Variants in MARCHF4 observed in about 807,000 individuals in gnomAD.
The protein encoded by MARCHF4 is membrane associated ring-CH-type finger 4.
A neutral mutation model predicts 43.9 loss-of-function variants in MARCHF4; 14 were observed. The ratio of observed to expected loss-of-function variants is 0.32; its 90% CI spans 0.21 to 0.50. The LOEUF (loss-of-function observed/expected upper bound fraction) is 0.50, where lower values mean the gene tolerates loss of function less well. MARCHF4 is among the 20% of genes least tolerant of loss of function. The pLI is 0.98. For synonymous variants in MARCHF4, 226 were observed against 213.3 expected (o/e 1.06, Z -0.52); for missense variants, 468 against 536.7 (o/e 0.87, Z 1.27).
intron 3 of MARCHF4, among the ~76,000 whole-genome samples, chr2:216,270,176 A>G (rs1690912278): frequency 6.6e-6 from 1 of 152,090 alleles, no homozygotes; most frequent in South Asian, 2.1e-4. Context: ...CCTGAGCTCA[A>G]GTGATCCTCC....
chr2:216,274,150 C>T (rs2105936179), intron 3 of MARCHF4, among the ~76,000 whole-genome samples: 1 of 152,306 alleles, frequency 6.6e-6, no homozygotes, highest in Non-Finnish European at 1.5e-5. Context: ...GGAAATGATG[C>T]TCAGGTGGAC....
In MARCHF4 at chr2:216,277,602, C is replaced by A. The variant is rs1021575222; in HGVS notation, c.865+70G>T. 12 of 1,455,402 alleles carry A rather than the reference C, an allele frequency of 8.2e-6. No homozygotes were observed. The African/African-American group carries it at 1.7e-4, about 20-fold the overall frequency. The allele number at this position is 1,455,402 out of a possible 1,614,324, so 90.2% of individuals were successfully genotyped here. A position where few individuals can be genotyped will look rare whatever the true frequency, so the allele number is the denominator to read the frequency against. Reference sequence around the variant, plus strand: ...GCTTCAGCCTCCCACAGTGGGGGATCCTGAGGGATCTGTCCATCCCACGAG... The same window carrying A: ...GCTTCAGCCTCCCACAGTGGGGGATACTGAGGGATCTGTCCATCCCACGAG... On this transcript the variant is annotated intron_variant, in intron 3 of 3. Coordinates refer to ENST00000273067, the MANE Select transcript of MARCHF4 (RefSeq NM_020814.3).
chr2:216,348,032 C>CTTTTTTTTTT (rs773695717), intron 1 of MARCHF4, among the ~76,000 whole-genome samples: 2 of 99,706 alleles, frequency 2.0e-5, no homozygotes, highest in African/African-American at 3.9e-5. Context: ...TTAAGGCATT[C>CTTTTTTTTTT]TTTTTTTTTT....
At chr2:216,285,055 C>G (rs1449358599) in intron 1 of MARCHF4, among the ~76,000 whole-genome samples, 1 of 152,130 alleles carries the variant, frequency 6.6e-6, no homozygotes, top group Non-Finnish European at 1.5e-5. Flanking sequence ...ACGAGAGGAG[C>G]CCCAGAAGGC....
chr2:216,355,651 T>A lies in MARCHF4; in HGVS notation c.516+14094A>T, dbSNP rs143069162. Among the ~76,000 whole-genome samples the A allele has an allele frequency of 3.1e-3, 471 of 152,348 alleles. 4 individuals carry two copies. The highest frequency in any genetic ancestry group is 9.5e-3 in the African/African-American group (395 of 41,578). ...CTTTCTGATACTCAAACTGATTTTT[T>A]ATTTTTTTGCAGGCAAATGCGTAAT... is the stretch of plus-strand genomic sequence containing the variant. On this transcript the variant is annotated intron_variant, in intron 1 of 3. Transcript: ENST00000273067.
At chr2:216,270,073 C>T (rs1390777185) in intron 3 of MARCHF4, among the ~76,000 whole-genome samples, 1 of 135,546 alleles carries the variant, frequency 7.4e-6, no homozygotes, top group Non-Finnish European at 1.7e-5. Flanking sequence ...TCTAGGCATC[C>T]ACCAGAAATT....
At chr2:216,352,931 G>T (rs901962903) in intron 1 of MARCHF4, among the ~76,000 whole-genome samples, 7 of 152,114 alleles carry the variant, frequency 4.6e-5, no homozygotes, top group Admixed American at 2.0e-4. Context: ...TGCGGTTCTG[G>T]CACAAAGCAG....
At chr2:216,335,636 A>G (rs1362497797) in intron 1 of MARCHF4, among the ~76,000 whole-genome samples, 3 of 152,218 alleles carry the variant, frequency 2.0e-5, no homozygotes, top group East Asian at 1.9e-4. Flanking sequence ...GAGTTGACAA[A>G]AAAGAGTAAA....
At chr2:216,265,170 AG>A (rs771950546) in intron 3 of MARCHF4, among the ~76,000 whole-genome samples, 13 of 152,346 alleles carry the variant, frequency 8.5e-5, no homozygotes, top group Non-Finnish European at 1.6e-4. Context: ...GAAAAGTCAT[AG>A]GAGGAGAAAA....
intron 1 of MARCHF4, among the ~76,000 whole-genome samples, chr2:216,309,431 G>A (rs554882319): frequency 8.2e-4 from 125 of 152,184 alleles, no homozygotes; most frequent in Non-Finnish European, 1.1e-3. Flanking sequence ...ACTTTCCTTT[G>A]CTTATCCTGT....
chr2:216,311,022 A>G (rs1284151943), intron 1 of MARCHF4, among the ~76,000 whole-genome samples: 2 of 152,224 alleles, frequency 1.3e-5, no homozygotes, highest in Non-Finnish European at 2.9e-5. Flanking sequence ...GAAGCCAAAT[A>G]TTACCTACAA....
At chr2:216,308,112 G>C (rs1369205289) in intron 1 of MARCHF4, among the ~76,000 whole-genome samples, 4 of 152,174 alleles carry the variant, frequency 2.6e-5, no homozygotes, top group Non-Finnish European at 5.9e-5. Context: ...GTTTAGACAA[G>C]ACAAAAAGGC....
chr2:216,288,024 T>C (rs1691245254), intron 1 of MARCHF4, among the ~76,000 whole-genome samples: 1 of 152,120 alleles, frequency 6.6e-6, no homozygotes, highest in Non-Finnish European at 1.5e-5. Flanking sequence ...CAGAGTAGCA[T>C]GATCATGGCT....
At chr2:216,292,886 T>C (rs985751981) in intron 1 of MARCHF4, among the ~76,000 whole-genome samples, 7 of 152,200 alleles carry the variant, frequency 4.6e-5, no homozygotes, top group African/African-American at 1.7e-4. Flanking sequence ...CAATGTATCC[T>C]GGTATCAGGA....
At chr2:216,303,512 C>T (rs189690491) in intron 1 of MARCHF4, 2 of 152,398 alleles carry the variant, frequency 1.3e-5, no homozygotes, top group East Asian at 3.9e-4. Context: ...TCCCTGATGT[C>T]CAGGGTCCTG....
At chr2:216,299,489 G>A (rs1303019543) in intron 1 of MARCHF4, among the ~76,000 whole-genome samples, 2 of 151,996 alleles carry the variant, frequency 1.3e-5, no homozygotes, top group South Asian at 2.1e-4. Context: ...CTAGATATGG[G>A]AACCCCACAC....
At chr2:216,297,041 G>A (rs2105947616) in intron 1 of MARCHF4, among the ~76,000 whole-genome samples, 1 of 152,312 alleles carries the variant, frequency 6.6e-6, no homozygotes, top group East Asian at 1.9e-4. Context: ...TACTATTCCT[G>A]AAATCTTGGC....
intron 2 of MARCHF4, among the ~76,000 whole-genome samples, chr2:216,278,561 A>G (rs1402015325): frequency 6.6e-6 from 1 of 151,954 alleles, no homozygotes; most frequent in Non-Finnish European, 1.5e-5. Context: ...AACACAGTCT[A>G]TTTTCTCACT....
Position 216,369,724 on chromosome 2 carries a change from AG to A in MARCHF4, c.516+20del. Reference sequence around the variant, plus strand: ...ACCTGAAAATACCACAGGAAGCAGGAGAAGAGAAAAGGGGACTCACCTGTTC... The same window carrying A: ...ACCTGAAAATACCACAGGAAGCAGGAAAGAGAAAAGGGGACTCACCTGTTC... On this transcript the variant is annotated intron_variant, in intron 1 of 3. Coordinates refer to ENST00000273067, the MANE Select transcript of MARCHF4 (RefSeq NM_020814.3). 3 of 1,534,306 alleles carry A rather than the reference AG, an allele frequency of 2.0e-6. No individual in the cohort carries two copies. The highest frequency in any genetic ancestry group is 2.6e-6 in the Non-Finnish European group (3 of 1,136,418).
Sources: allele counts gnomAD v4.1 joint callset (sites outside exome capture counted in the v4.1 genomes callset), GRCh38; gene constraint gnomAD v4.1.1; transcripts MANE v1.5; gene names NCBI Gene and HGNC (gene_info 2026-07-23, HGNC 2026-07-21).